NEDD9: variants seen among roughly 807,000 people sequenced by gnomAD.
The protein encoded by NEDD9 is neural precursor cell expressed, developmentally down-regulated 9, also known as enhancer of filamentation 1.
In NEDD9, 26 loss-of-function variants were observed where a neutral mutation model predicts 76.6. The observed-to-expected ratio is 0.34, with a 90% CI of 0.25 to 0.47. The LOEUF is 0.47. Among genes scored for constraint, NEDD9 ranks in the 20% least tolerant of loss-of-function variants. The pLI is 1.00. For synonymous variants in NEDD9, 392 were observed against 414.2 expected (o/e 0.95, Z 0.65); for missense variants, 937 against 1,058.5 (o/e 0.89, Z 1.59).
At chr6:11,369,478 G>A (rs1198558667) in intron 1 of NEDD9, among the ~76,000 whole-genome samples, 1 of 152,120 alleles carries the variant, frequency 6.6e-6, no homozygotes, top group Non-Finnish European at 1.5e-5. Context: ...TTGCTCCTGT[G>A]TACTACACAA....
At chr6:11,238,060 C>T (rs2113283792) in intron 3 of NEDD9, among the ~76,000 whole-genome samples, 1 of 152,294 alleles carries the variant, frequency 6.6e-6, no homozygotes, top group South Asian at 2.1e-4. Flanking sequence ...CCTCAAAGAC[C>T]AGCCATTGAG....
chr6:11,294,412 T>G (rs1334981811), intron 3 of NEDD9, among the ~76,000 whole-genome samples: 1 of 152,028 alleles, frequency 6.6e-6, no homozygotes, highest in Non-Finnish European at 1.5e-5. Context: ...TGATAGTGAG[T>G]AAGTTCTCAT....
At chr6:11,202,805 A>T (rs1002338844) in intron 2 of NEDD9, among the ~76,000 whole-genome samples, 3 of 152,210 alleles carry the variant, frequency 2.0e-5, no homozygotes, top group African/African-American at 7.2e-5. Context: ...AAGGTGAATT[A>T]CTTTCTTTCA....
chr6:11,188,152 C>A, intron 6 of NEDD9, 66 bp downstream of exon 6: 2 of 1,190,060 alleles, frequency 1.7e-6, no homozygotes, highest in Non-Finnish European at 2.5e-6. Flanking sequence ...TGAAGTGATA[C>A]CTTTCCTTAG....
At chr6:11,327,534 G>C (rs771724452) in intron 2 of NEDD9, among the ~76,000 whole-genome samples, 6 of 152,230 alleles carry the variant, frequency 3.9e-5, no homozygotes, top group Non-Finnish European at 8.8e-5. Flanking sequence ...AGACCTCGAA[G>C]TCTGGAGGTT....
upstream of NEDD9, chr6:11,232,750 A>G: frequency 7.2e-7 from 1 of 1,395,990 alleles, no homozygotes; most frequent in Admixed American, 2.9e-5. Flanking sequence ...GGACAAGGTA[A>G]TGCTCAGGCC....
chr6:11,330,606 C>T (rs1221485378), intron 2 of NEDD9, among the ~76,000 whole-genome samples: 1 of 152,142 alleles, frequency 6.6e-6, no homozygotes, highest in Non-Finnish European at 1.5e-5. Flanking sequence ...CTGTGAAAAC[C>T]AGAGCCAAAG....
At chr6:11,282,696 A>T (rs558279140) in intron 3 of NEDD9, among the ~76,000 whole-genome samples, 14 of 152,200 alleles carry the variant, frequency 9.2e-5, no homozygotes, top group Admixed American at 2.6e-4. Flanking sequence ...CATATATCAC[A>T]TATCTGTTTC....
At chr6:11,329,324 C>T (rs1422490950) in intron 2 of NEDD9, among the ~76,000 whole-genome samples, 1 of 152,202 alleles carries the variant, frequency 6.6e-6, no homozygotes, top group Non-Finnish European at 1.5e-5. Flanking sequence ...GGGAGCTTAG[C>T]ACACTAGGCT....
At chr6:11,276,151 T>C (rs1324776528) in intron 3 of NEDD9, among the ~76,000 whole-genome samples, 1 of 152,174 alleles carries the variant, frequency 6.6e-6, no homozygotes, top group Non-Finnish European at 1.5e-5. Flanking sequence ...GAAACAGAGA[T>C]AGATTAAGAA....
At chr6:11,380,548 C>T (rs1010341212) in intron 1 of NEDD9, among the ~76,000 whole-genome samples, 2 of 152,228 alleles carry the variant, frequency 1.3e-5, no homozygotes, top group Admixed American at 1.3e-4. Flanking sequence ...GAGATAAAGA[C>T]TCAGGTTGTC....
At chr6:11,205,382 A>G (rs973889012) in intron 2 of NEDD9, among the ~76,000 whole-genome samples, 2 of 152,364 alleles carry the variant, frequency 1.3e-5, no homozygotes, top group Non-Finnish European at 1.5e-5. Flanking sequence ...GCATGGGGTA[A>G]TGACACCAGT....
At chr6:11,299,553 A>C (rs989288346) in intron 3 of NEDD9, among the ~76,000 whole-genome samples, 1 of 152,196 alleles carries the variant, frequency 6.6e-6, no homozygotes, top group Non-Finnish European at 1.5e-5. Context: ...CTGCCTCCTC[A>C]AGTGGGTCCT....
chr6:11,359,733 T>A (rs1235044510), intron 1 of NEDD9, among the ~76,000 whole-genome samples: 1 of 152,206 alleles, frequency 6.6e-6, no homozygotes, highest in African/African-American at 2.4e-5. Context: ...AACCCTGAAC[T>A]CCAAGGAAAC....
intron 3 of NEDD9, among the ~76,000 whole-genome samples, chr6:11,295,027 C>T (rs1184114343): frequency 6.6e-6 from 1 of 152,202 alleles, no homozygotes; most frequent in Non-Finnish European, 1.5e-5. Context: ...GAAAGACGTG[C>T]CTTTGCTCCT....
chr6:11,365,298 A>C (rs1027018444), intron 1 of NEDD9, among the ~76,000 whole-genome samples: 1 of 152,188 alleles, frequency 6.6e-6, no homozygotes, highest in Admixed American at 6.5e-5. Context: ...TCAAAAAAAA[A>C]CAGCTCTTCC....
At chr6:11,329,058 A>AT (rs1761983948) in intron 2 of NEDD9, among the ~76,000 whole-genome samples, 1 of 152,248 alleles carries the variant, frequency 6.6e-6, no homozygotes, top group Non-Finnish European at 1.5e-5. Context: ...AGGCACAAGC[A>AT]TGACATCATG....
At chr6:11,329,308 G>C (rs1360645300) in intron 2 of NEDD9, among the ~76,000 whole-genome samples, 2 of 152,286 alleles carry the variant, frequency 1.3e-5, no homozygotes, top group South Asian at 4.1e-4. Context: ...GGTCACTTTG[G>C]GAACTGGGAG....
At chr6:11,371,605 A>G (rs961570565) in intron 1 of NEDD9, among the ~76,000 whole-genome samples, 2 of 152,180 alleles carry the variant, frequency 1.3e-5, no homozygotes, top group Non-Finnish European at 2.9e-5. Context: ...TTACAAACGT[A>G]TTTGTTCTTT....
Sources: allele counts gnomAD v4.1 joint callset (sites outside exome capture counted in the v4.1 genomes callset), GRCh38; gene constraint gnomAD v4.1.1; transcripts MANE v1.5; gene names NCBI Gene and HGNC (gene_info 2026-07-23, HGNC 2026-07-21).